Variants in COPS6 observed in about 807,000 individuals in gnomAD.
COPS6 encodes COP9 signalosome subunit 6, also known as COP9 signalosome complex subunit 6.
In COPS6, 9 loss-of-function variants were observed where a neutral mutation model predicts 41.0. The ratio of observed to expected loss-of-function variants is 0.22; its 90% CI spans 0.13 to 0.38. COPS6 has a LOEUF of 0.38. COPS6 is among the 10% of genes least tolerant of loss of function. COPS6 has a pLI of 1.00. For synonymous variants in COPS6, 179 were observed against 162.9 expected (o/e 1.10, Z -0.75); for missense variants, 302 against 436.7 (o/e 0.69, Z 2.75).
intron 2 of COPS6, 45 bp downstream of exon 2, chr7:100,089,460 C>G (rs764743282): frequency 8.7e-6 from 14 of 1,611,644 alleles, no homozygotes; most frequent in African/African-American, 1.3e-5. Flanking sequence ...TTGCTCACCT[C>G]CCCCAGGCAG....
intron 5 of COPS6, 36 bp from the exon 6 acceptor site, chr7:100,090,866 G>T (rs766127217): frequency 3.7e-6 from 6 of 1,611,844 alleles, no homozygotes; most frequent in Non-Finnish European, 4.2e-6. Context: ...CCAAATGTTG[G>T]CATATAGTGT....
In COPS6 at chr7:100,090,456, C is replaced by G; in HGVS notation, c.392C>G (p.Pro131Arg). The G allele has an allele frequency of 6.2e-7, 1 of 1,614,144 alleles. No homozygotes were observed. The highest frequency in any genetic ancestry group is 8.5e-7 in the Non-Finnish European group (1 of 1,179,978). Residue 131 changes from proline to arginine, a missense_variant, in exon 4 of 10, where the codon CCT (proline) becomes CGT (arginine). By Grantham distance (103) the Pro-to-Arg change is moderately radical (BLOSUM62 -2). Around this residue, in one of 3 missense-constraint regions of COPS6, gnomAD observed 222 missense variants for 309.0 expected, o/e 0.72. Transcript: ENST00000303904. ...GGTTGGTATACCACAGGGGGGCCAC[C>G]TGACCCCTCGGACATCCACGTCCAT... Reference protein sequence around the residue: ...FLGWYTTGGPPDPSDIHVHKQ... With the variant: ...FLGWYTTGGPRDPSDIHVHKQ...
chr7:100,090,349 G>GAAAA, intron 3 of COPS6, 50 bp from the exon 4 acceptor site: 10 of 1,168,568 alleles, frequency 8.6e-6, no homozygotes, highest in Non-Finnish European at 8.5e-6. Flanking sequence ...TTCCGTCTCA[G>GAAAA]AAAAAAAAAA....
chr7:100,090,385 C>A lies in COPS6; in HGVS notation c.335-14C>A, dbSNP rs547334136. 8.1e-6 allele frequency: 13 copies of A among 1,598,142 alleles called. No homozygotes were observed. Among genetic ancestry groups the A allele is most frequent in the Admixed American group, 1.7e-5 (1 of 59,948 alleles). On this transcript the variant is annotated splice_polypyrimidine_tract_variant and intron_variant, in intron 3 of 9. Transcript: ENST00000303904. ...AAAAAGAATTACTATATGTTCTGGC[C>A]CCTTCCCCTCTAGTTAAACAGGTGT... is the stretch of plus-strand genomic sequence containing the variant.
chr7:100,090,594 G>T lies in COPS6; in HGVS notation c.426G>T (p.Val142=), dbSNP rs371629256. The T allele has an allele frequency of 6.8e-6, 11 of 1,614,036 alleles. No individual in the cohort carries two copies. Among genetic ancestry groups the T allele is most frequent in the Non-Finnish European group, 9.3e-6 (11 of 1,180,016 alleles). ...TGTGCATTGTCCCTCTCTTCCAGGT[G>T]TGTGAGATCATCGAGAGCCCCCTCT... is the stretch of plus-strand genomic sequence containing the variant. The part of the protein sequence containing the change: ...DPSDIHVHKQ[V]CEIIESPLFL... The change falls in exon 5 of 10, where the codon GTG becomes GTT. Residue 142 remains valine, a splice_region_variant and synonymous_variant. Transcript: ENST00000303904.
chr7:100,089,812 G>A, intron 3 of COPS6, 66 bp downstream of exon 3: 3 of 1,525,650 alleles, frequency 2.0e-6, no homozygotes, highest in Non-Finnish European at 1.8e-6. Flanking sequence ...GGGTGGGGAA[G>A]ATGGAGAGGG....
At chr7:100,090,731 TGCC>T in intron 5 of COPS6, 77 bp downstream of exon 5, 9 of 1,496,302 alleles carry the variant, frequency 6.0e-6, no homozygotes, top group Non-Finnish European at 8.4e-6. Flanking sequence ...TATTGGGGAA[TGCC>T]AGATGCCACT....
At chr7:100,089,500 A>T (rs1795282396) in intron 2 of COPS6, 85 bp downstream of exon 2, 1 of 1,603,400 alleles carries the variant, frequency 6.2e-7, no homozygotes, top group Non-Finnish European at 8.5e-7. Context: ...TACTGGAGCC[A>T]ATTCCCCCTC....
rs756804877 is a variant in COPS6 at position 100,089,312 on chromosome 7, C to T, written c.99C>T (p.Cys33=). Residue 33 remains cysteine, a synonymous_variant, in exon 2 of 10, where the codon TGC becomes TGT. Coordinates refer to ENST00000303904, the MANE Select transcript of COPS6 (RefSeq NM_006833.5). ...DAAVVPSVMA[C]GVTGSVSVAL... is the part of the protein sequence containing the mutation. ...TAGTAGTCCCCAGCGTGATGGCCTG[C>T]GGAGTGACTGGGAGTGTTTCCGTCG... 1.2e-6 allele frequency: 2 copies of T among 1,614,098 alleles called. No individual in the cohort carries two copies. Among genetic ancestry groups the T allele is most frequent in the Admixed American group, 3.3e-5 (2 of 60,016 alleles).
chr7:100,089,011 G>GGCGGCGGCT lies in COPS6; in HGVS notation c.23_24insGGCGGCTGC (p.Ala8_Ala10dup). 7.6e-7 allele frequency: 1 copy of GGCGGCGGCT among 1,311,328 alleles called. No individual in the cohort carries two copies. Among genetic ancestry groups the GGCGGCGGCT allele is most frequent in the South Asian group, 2.6e-5 (1 of 38,654 alleles). The allele number at this position is 1,311,328 out of a possible 1,614,324, so 81.2% of individuals were successfully genotyped here. A position where few individuals can be genotyped will look rare whatever the true frequency, so the allele number is the denominator to read the frequency against. On this transcript the variant is annotated inframe_insertion, in exon 1 of 10. Transcript: ENST00000303904. Reference sequence around the variant, plus strand: ...GGAAAATGGCGGCGGCGGCGGCGGCGGCTGCAGCTACGAACGGGACCGGAG... The same window carrying GGCGGCGGCT: ...GGAAAATGGCGGCGGCGGCGGCGGCGGCGGCGGCTGCTGCAGCTACGAACGGGACCGGAG...
Position 100,091,211 on chromosome 7 carries a change from C to T in COPS6, c.650-27C>T. On this transcript the variant is annotated intron_variant, in intron 7 of 9. Coordinates refer to ENST00000303904, the MANE Select transcript of COPS6 (RefSeq NM_006833.5). This position sits in a 1 kb window ranked among gnomAD's most constrained non-coding sequence, Gnocchi z 4.1. ...AAGGTGTGGCCACATCCCGTCTCAA[C>T]CTCCTCCTGTCCTCATCCCCTTGCA... 1.2e-6 allele frequency: 2 copies of T among 1,614,006 alleles called. No individual in the cohort carries two copies. Among genetic ancestry groups the T allele is most frequent in the Middle Eastern group, 1.7e-4 (1 of 6,060 alleles).
chr7:100,090,556 G>C (rs368635985), intron 4 of COPS6, 36 bp from the exon 5 acceptor site: 327 of 1,610,050 alleles, frequency 2.0e-4, no homozygotes, highest in Middle Eastern at 3.3e-4. Flanking sequence ...AAAGGTAGGG[G>C]GCACTGACTT....
intron 2 of COPS6, 69 bp from the exon 3 acceptor site, chr7:100,089,546 C>CA: frequency 6.2e-7 from 1 of 1,600,298 alleles, no homozygotes; most frequent in Non-Finnish European, 8.5e-7. Context: ...ATGGTTCCCA[C>CA]TGATCTCAGA....
rs1795295243 is a variant in COPS6 at position 100,090,377 on chromosome 7, G to A, written c.335-22G>A. On this transcript the variant is annotated intron_variant, in intron 3 of 9. Transcript: ENST00000303904. ...AAAAAAAAAAAAAGAATTACTATATGTTCTGGCCCCTTCCCCTCTAGTTAA... is the reference window on the plus strand; with the variant it reads ...AAAAAAAAAAAAAGAATTACTATATATTCTGGCCCCTTCCCCTCTAGTTAA... The A allele has an allele frequency of 2.0e-6, 3 of 1,502,996 alleles. No individual in the cohort carries two copies. The African/African-American group carries it at 4.1e-5, about 21-fold the overall frequency. 93.1% of individuals were successfully genotyped at this position (1,502,996 alleles called of 1,614,324 possible). A position where few individuals can be genotyped will look rare whatever the true frequency, so the allele number is the denominator to read the frequency against.
rs565974418 is a variant in COPS6, at chr7:100,089,689, A to C, written c.277A>C (p.Thr93Pro). 6.2e-7 allele frequency: 1 copy of C among 1,613,962 alleles called. No individual in the cohort carries two copies. The highest frequency in any genetic ancestry group is 1.3e-5 in the African/African-American group (1 of 74,998). ...VMNSFELLSH[T>P]VEEKIIIDKE... ...GAACTCCTTTGAGCTGCTGTCCCAC[A>C]CCGTGGAAGAGAAGATTATCATTGA... Residue 93 changes from threonine (T) to proline (P), a missense_variant, in exon 3 of 10, where the codon ACC (threonine) becomes CCC (proline). Physicochemically the swap from Thr to Pro is conservative, Grantham distance 38. This residue lies in a region of COPS6 where 222 missense variants were observed against 309.0 expected (regional missense o/e 0.72). Transcript: ENST00000303904.
rs1196286629 is a variant in COPS6 at position 100,091,843 on chromosome 7, A to G, written c.*54A>G. The G allele has an allele frequency of 1.9e-6, 3 of 1,609,566 alleles. No individual in the cohort carries two copies. The highest frequency in any genetic ancestry group is 2.7e-5 in the African/African-American group (2 of 74,790). On this transcript the variant is annotated 3_prime_UTR_variant, in exon 10 of 10. Transcript: ENST00000303904. This position sits in a 1 kb window ranked among gnomAD's most constrained non-coding sequence, Gnocchi z 4.1. ...GGGTCAGGCAACTATCCCAAAGGGG[A>G]GGGCACTACACTTCCTTGAGAGAAA...
chr7:100,090,936 T>G lies in COPS6; in HGVS notation c.521T>G (p.Ile174Arg), dbSNP rs780345066. The G allele has an allele frequency of 6.2e-7, 1 of 1,613,966 alleles. No individual in the cohort carries two copies. The highest frequency in any genetic ancestry group is 8.5e-7 in the Non-Finnish European group (1 of 1,179,778). Residue 174 changes from isoleucine to arginine, a missense_variant, in exon 6 of 10, where the codon ATA becomes AGA. Physicochemically the swap from Ile to Arg is moderately conservative, Grantham distance 97. Transcript: ENST00000303904. The stretch of plus-strand genomic sequence containing the variant: ...AGCGTTTTTGAGTCTGTCATTGATA[T>G]AATCAATGGAGAGGTAATACCCTAC... Reference protein sequence around the residue: ...PVSVFESVIDIINGEATMLFA... With the variant: ...PVSVFESVIDRINGEATMLFA...
At chr7:100,089,245 G>C in intron 1 of COPS6, 45 bp from the exon 2 acceptor site, 2 of 1,586,132 alleles carry the variant, frequency 1.3e-6, no homozygotes, top group South Asian at 2.3e-5. Flanking sequence ...AGGGAAGAAC[G>C]TGGGGCCCGG....
intron 2 of COPS6, 28 bp downstream of exon 2, chr7:100,089,443 C>G: frequency 6.2e-7 from 1 of 1,613,558 alleles, no homozygotes. Context: ...ACTCCAGTCT[C>G]TTCTCCTTGC....
Sources: allele counts gnomAD v4.1 joint callset, GRCh38; gene constraint gnomAD v4.1.1; regional missense constraint gnomAD v4.1.1; non-coding constraint Gnocchi (gnomAD v3.1); transcripts MANE v1.5; gene names NCBI Gene and HGNC (gene_info 2026-07-23, HGNC 2026-07-21).